The following QTMAN variants were observed in gnomAD, a reference collection of about 807,000 sequenced individuals.
QTMAN encodes tRNA-queuosine alpha-mannosyltransferase.
chr2:144,030,147 G>A, the QTMAN span, among the ~76,000 whole-genome samples: 2 of 152,200 alleles, frequency 1.3e-5, no homozygotes, highest in South Asian at 2.1e-4. Flanking sequence ...ATTTGAATAA[G>A]GGGGTTGGGG....
the QTMAN span, among the ~76,000 whole-genome samples, chr2:144,308,563 T>C: frequency 6.6e-6 from 1 of 152,112 alleles, no homozygotes; most frequent in Non-Finnish European, 1.5e-5. Flanking sequence ...GCACACTATA[T>C]ATAAAAATTA....
chr2:144,060,225 T>C, the QTMAN span, among the ~76,000 whole-genome samples: 2 of 152,082 alleles, frequency 1.3e-5, no homozygotes. Context: ...ACATAATCTA[T>C]CCTATGTAGG....
the QTMAN span, among the ~76,000 whole-genome samples, chr2:144,240,588 T>C: frequency 6.6e-6 from 1 of 152,248 alleles, no homozygotes; most frequent in African/African-American, 2.4e-5. Flanking sequence ...AAACTAGATA[T>C]ATTCCTTTAT....
the QTMAN span, among the ~76,000 whole-genome samples, chr2:143,960,255 T>C: frequency 2.0e-5 from 3 of 152,032 alleles, no homozygotes; most frequent in Admixed American, 2.0e-4. Context: ...CAAAATCTCA[T>C]GGACATTCAA....
chr2:144,097,809 G>A, the QTMAN span, among the ~76,000 whole-genome samples: 2 of 152,126 alleles, frequency 1.3e-5, no homozygotes, highest in African/African-American at 4.8e-5. Context: ...AGAAACACTT[G>A]TTTCAAATTT....
chr2:144,062,452 T>C, the QTMAN span, among the ~76,000 whole-genome samples: 1 of 152,312 alleles, frequency 6.6e-6, no homozygotes, highest in South Asian at 2.1e-4. Flanking sequence ...TCTAGAACCC[T>C]TGCTCATAAA....
chr2:144,106,907 T>C, the QTMAN span, among the ~76,000 whole-genome samples: 2 of 152,182 alleles, frequency 1.3e-5, no homozygotes, highest in Non-Finnish European at 2.9e-5. Flanking sequence ...ACAAACTGTC[T>C]CTCAGACCAC....
the QTMAN span, among the ~76,000 whole-genome samples, chr2:144,295,550 T>A: frequency 6.6e-6 from 1 of 152,174 alleles, no homozygotes; most frequent in African/African-American, 2.4e-5. Flanking sequence ...GTGATTCAGC[T>A]CTCATCCTAG....
chr2:144,312,420 T>A, the QTMAN span, among the ~76,000 whole-genome samples: 1 of 152,146 alleles, frequency 6.6e-6, no homozygotes, highest in Non-Finnish European at 1.5e-5. Context: ...TCCATCCAGA[T>A]AACTCAAGTC....
At chr2:144,281,380 G>A in the QTMAN span, among the ~76,000 whole-genome samples, 1 of 105,808 alleles carries the variant, frequency 9.5e-6, no homozygotes, top group African/African-American at 3.9e-5. Context: ...ACTCTCCATA[G>A]CAGCATTGTT....
At chr2:144,086,884 A>G in the QTMAN span, among the ~76,000 whole-genome samples, 6 of 152,210 alleles carry the variant, frequency 3.9e-5, no homozygotes, top group African/African-American at 1.4e-4. Context: ...CCCAGACACT[A>G]TATCTATGGG....
the QTMAN span, among the ~76,000 whole-genome samples, chr2:144,186,364 T>C: frequency 1.3e-5 from 2 of 152,174 alleles, no homozygotes; most frequent in African/African-American, 2.4e-5. Flanking sequence ...TCAGAGATTA[T>C]GTTGTAGAGG....
At chr2:144,033,953 G>A in the QTMAN span, among the ~76,000 whole-genome samples, 1 of 152,182 alleles carries the variant, frequency 6.6e-6, no homozygotes, top group South Asian at 2.1e-4. Flanking sequence ...AAGCAGTGGG[G>A]CTGCATGGGA....
the QTMAN span, among the ~76,000 whole-genome samples, chr2:144,217,820 T>C: frequency 3.3e-4 from 51 of 152,330 alleles, no homozygotes; most frequent in South Asian, 1.5e-3. Context: ...GTCAGCCACG[T>C]AGCCGCATTC....
chr2:143,945,407 G>A, the QTMAN span: 2 of 152,310 alleles, frequency 1.3e-5, no homozygotes. Context: ...GTTGGAGAGA[G>A]GAGTCTGTTC....
At chr2:144,270,443 G>A in the QTMAN span, among the ~76,000 whole-genome samples, 6 of 152,232 alleles carry the variant, frequency 3.9e-5, no homozygotes, top group African/African-American at 1.2e-4. Context: ...AAGAAAACGC[G>A]GCACATATAA....
the QTMAN span, among the ~76,000 whole-genome samples, chr2:144,332,790 C>G: frequency 6.6e-6 from 1 of 152,176 alleles, no homozygotes; most frequent in Non-Finnish European, 1.5e-5. Context: ...TGCGCCCTTT[C>G]CCATCTCGTC....
At chr2:144,294,877 G>C in the QTMAN span, among the ~76,000 whole-genome samples, 1 of 152,222 alleles carries the variant, frequency 6.6e-6, no homozygotes. Context: ...CTGCCACTTG[G>C]GTAGTTATAC....
the QTMAN span, among the ~76,000 whole-genome samples, chr2:144,182,828 A>T: frequency 3.3e-4 from 22 of 67,202 alleles, no homozygotes; most frequent in East Asian, 1.8e-3. Context: ...TTATATATAT[A>T]ATATATATAT....
Sources: gnomAD v4.1 joint callset for allele counts (sites outside exome capture counted in the v4.1 genomes callset) on GRCh38, gnomAD v4.1.1 for gene constraint, MANE v1.5 for transcripts, NCBI Gene and HGNC (gene_info 2026-07-23, HGNC 2026-07-21) for gene names.